Variants in SCUBE1 observed in about 807,000 individuals in gnomAD.
The protein encoded by SCUBE1 is signal peptide, CUB domain and EGF like domain containing 1, also known as signal peptide, CUB and EGF-like domain-containing protein 1.
In SCUBE1, 59 loss-of-function variants were observed where a neutral mutation model predicts 124.4. That is an observed-to-expected ratio of 0.47 (90% CI 0.38 to 0.59). The LOEUF is 0.59. Among genes scored for constraint, SCUBE1 ranks in the 20% least tolerant of loss-of-function variants. The pLI, the probability that SCUBE1 is intolerant of heterozygous loss-of-function variation, is 0.00. For synonymous variants in SCUBE1, 545 were observed against 550.9 expected, an observed-to-expected ratio of 0.99 and a Z score of 0.15; for missense variants, 1,150 against 1,371.2, an observed-to-expected ratio of 0.84 and a Z score of 2.55.
At chr22:43,340,268 C>T (rs1313210040) in intron 1 of SCUBE1, among the ~76,000 whole-genome samples, 2 of 152,084 alleles carry the variant, frequency 1.3e-5, no homozygotes, top group African/African-American at 2.4e-5. Flanking sequence ...CATGGTCCTC[C>T]CTCCTCGGAA....
intron 4 of SCUBE1, among the ~76,000 whole-genome samples, chr22:43,266,937 G>C (rs1924092475): frequency 6.6e-6 from 1 of 152,152 alleles, no homozygotes; most frequent in Non-Finnish European, 1.5e-5. Flanking sequence ...TGAGGACAAA[G>C]CCTCCGCTCC....
chr22:43,270,418 G>A (rs1924248626), intron 4 of SCUBE1: 1 of 152,280 alleles, frequency 6.6e-6, no homozygotes, highest in Non-Finnish European at 1.5e-5. Context: ...ACTGAGGTAA[G>A]GTGAGGGGGC....
In SCUBE1 at chr22:43,246,832, T is replaced by G. The variant is rs373511567; in HGVS notation, c.728-7878A>C. On this transcript the variant is annotated intron_variant, in intron 6 of 21. Coordinates refer to ENST00000360835, the MANE Select transcript of SCUBE1 (RefSeq NM_173050.5). ...TTCAGGTGGGCCTCCGGCAGTGATG[T>G]GCTCCCCACTCCCACCCTCCCACCC... 2.2e-4 allele frequency among the ~76,000 whole-genome samples: 34 copies of G among 152,306 alleles called. No individual in the cohort carries two copies. The East Asian group carries it at 5.2e-3, about 23-fold the overall frequency.
At chr22:43,245,304 C>T (rs1428441704) in intron 6 of SCUBE1, among the ~76,000 whole-genome samples, 2 of 152,226 alleles carry the variant, frequency 1.3e-5, no homozygotes, top group Non-Finnish European at 2.9e-5. Flanking sequence ...GAGGGCCGCG[C>T]CTGGTCCTGA....
intron 5 of SCUBE1, among the ~76,000 whole-genome samples, chr22:43,259,261 G>A (rs146877958): frequency 2.0e-5 from 3 of 152,306 alleles, no homozygotes; most frequent in East Asian, 3.9e-4. Flanking sequence ...ACAGCTGCAC[G>A]CCCATCATCC....
At chr22:43,279,235 A>G (rs1450715361) in intron 4 of SCUBE1, among the ~76,000 whole-genome samples, 2 of 152,182 alleles carry the variant, frequency 1.3e-5, no homozygotes, top group Non-Finnish European at 2.9e-5. Flanking sequence ...TTTGTCAAGG[A>G]GCCCCCAGCC....
chr22:43,274,031 TC>T (rs1924399244), intron 4 of SCUBE1, among the ~76,000 whole-genome samples: 1 of 151,804 alleles, frequency 6.6e-6, no homozygotes, highest in African/African-American at 2.4e-5. Context: ...CCTCGTTTCT[TC>T]CCCGTTCCTC....
At chr22:43,321,690 T>C (rs1056235533) in intron 2 of SCUBE1, among the ~76,000 whole-genome samples, 1 of 152,258 alleles carries the variant, frequency 6.6e-6, no homozygotes, top group Admixed American at 6.5e-5. Context: ...TCTCCTAATC[T>C]GCCTATAGGG....
chr22:43,245,318 C>A (rs557417234), intron 6 of SCUBE1, among the ~76,000 whole-genome samples: 1 of 152,228 alleles, frequency 6.6e-6, no homozygotes, highest in South Asian at 2.1e-4. Context: ...GTCCTGACCA[C>A]GCCTCCCCGC....
chr22:43,288,043 G>A (rs1307799070), intron 4 of SCUBE1, among the ~76,000 whole-genome samples: 1 of 152,180 alleles, frequency 6.6e-6, no homozygotes, highest in South Asian at 2.1e-4. Context: ...TCGTTCGAGA[G>A]CAATCTGATA....
intron 3 of SCUBE1, among the ~76,000 whole-genome samples, chr22:43,311,835 C>G (rs1490932174): frequency 4.6e-5 from 7 of 152,114 alleles, no homozygotes; most frequent in Non-Finnish European, 1.5e-5. Context: ...TTACCTCTGC[C>G]CTATGCCTAC....
chr22:43,214,088 G>T lies in SCUBE1; in HGVS notation c.2053+2C>A. ...CACCTCTCCTTCTAGGCCCGCACTT[G>T]CCTCCACATTCCGACACGTTGCGGG... On this transcript the variant is annotated splice_donor_variant, in intron 16 of 21. Coordinates refer to ENST00000360835, the MANE Select transcript of SCUBE1 (RefSeq NM_173050.5). LOFTEE classifies it high-confidence loss of function. The T allele has an allele frequency of 6.7e-7, 1 of 1,493,536 alleles. No homozygotes were observed. The allele number at this position is 1,493,536 out of a possible 1,614,324, so 92.5% of individuals were successfully genotyped here.
In SCUBE1 at chr22:43,198,538, G is replaced by A. The variant is rs1032546632; in HGVS notation, c.*5459C>T. On this transcript the variant is annotated 3_prime_UTR_variant, in exon 22 of 22. Coordinates refer to ENST00000360835, the MANE Select transcript of SCUBE1 (RefSeq NM_173050.5). ...AGGCAGCCGCGGTAGAATAGGAGGC[G>A]CTCTCTGCTCTCTCTCCACATCCTC... 1.8e-5 allele frequency: 8 copies of A among 456,514 alleles called. No homozygotes were observed. The Middle Eastern group carries it at 9.7e-4, about 55-fold the overall frequency. 28.3% of individuals were successfully genotyped at this position (456,514 alleles called of 1,614,324 possible).
intron 3 of SCUBE1, among the ~76,000 whole-genome samples, chr22:43,299,392 G>A (rs1038089047): frequency 3.9e-5 from 6 of 152,178 alleles, no homozygotes; most frequent in South Asian, 2.1e-4. Context: ...ACTCAGACCC[G>A]CCTCAGCCTT....
Position 43,291,194 on chromosome 22 carries a change from A to G in SCUBE1, c.350-14T>C, listed in dbSNP as rs1310408729. ...ACTCGTCCACATCTGTGAGAAAAGGAAGAGAAGGGGACCAGAGATCACACC... is the reference window on the plus strand; with the variant it reads ...ACTCGTCCACATCTGTGAGAAAAGGGAGAGAAGGGGACCAGAGATCACACC... On this transcript the variant is annotated splice_polypyrimidine_tract_variant and intron_variant, in intron 3 of 21. Coordinates refer to ENST00000360835, the MANE Select transcript of SCUBE1 (RefSeq NM_173050.5). 6.2e-7 allele frequency: 1 copy of G among 1,601,262 alleles called. No individual in the cohort carries two copies. The highest frequency in any genetic ancestry group is 8.6e-7 in the Non-Finnish European group (1 of 1,169,262).
In SCUBE1 at chr22:43,198,246, T is replaced by G; in HGVS notation, c.*5751A>C. On this transcript the variant is annotated 3_prime_UTR_variant, in exon 22 of 22. Coordinates refer to ENST00000360835, the MANE Select transcript of SCUBE1 (RefSeq NM_173050.5). ...ACCTTTCCCTTCTTCCTGTTGGGGC[T>G]TGGGGGGTGCAGACAATTCCAGGGG... The G allele has an allele frequency of 3.4e-6, 1 of 293,654 alleles. No homozygotes were observed. The highest frequency in any genetic ancestry group is 6.8e-6 in the Non-Finnish European group (1 of 147,292). The allele number at this position is 293,654 out of a possible 1,614,324, so 18.2% of individuals were successfully genotyped here. A position where few individuals can be genotyped will look rare whatever the true frequency, so the allele number is the denominator to read the frequency against.
At chr22:43,279,926 T>A (rs1924696201) in intron 4 of SCUBE1, among the ~76,000 whole-genome samples, 1 of 152,126 alleles carries the variant, frequency 6.6e-6, no homozygotes, top group Non-Finnish European at 1.5e-5. Flanking sequence ...CCTAGGGAGA[T>A]CTGAAACTCC....
rs1437270892 is a variant in SCUBE1, at chr22:43,253,433, A to G, written c.727+4786T>C. ...CCTTTGCTTCGTGTTGGAGGAAACC[A>G]GAGGAGGAGAAGTCTCTTCTGTCTG... On this transcript the variant is annotated intron_variant, in intron 6 of 21. Transcript: ENST00000360835. 2.0e-5 allele frequency among the ~76,000 whole-genome samples: 3 copies of G among 152,118 alleles called. No individual in the cohort carries two copies. The East Asian group carries it at 5.8e-4, about 29-fold the overall frequency.
rs1384312175 is a variant in SCUBE1 at position 43,197,456 on chromosome 22, C to G, written c.*6541G>C. 4 of 152,246 alleles carry G rather than the reference C, an allele frequency of 2.6e-5. No homozygotes were observed. Among genetic ancestry groups the G allele is most frequent in the Non-Finnish European group, 1.5e-5 (1 of 68,046 alleles). The allele number at this position is 152,246 out of a possible 1,614,324, so 9.4% of individuals were successfully genotyped here. On this transcript the variant is annotated 3_prime_UTR_variant, in exon 22 of 22. Coordinates refer to ENST00000360835, the MANE Select transcript of SCUBE1 (RefSeq NM_173050.5). The stretch of plus-strand genomic sequence containing the variant: ...GTCGTTGCCAAGCGTCTGGACAATA[C>G]AGTGCCCTCACAGGAGCCAGAAGTG...
Sources: gnomAD v4.1 joint callset for allele counts (sites outside exome capture counted in the v4.1 genomes callset) on GRCh38, gnomAD v4.1.1 for gene constraint, MANE v1.5 for transcripts, NCBI Gene and HGNC (gene_info 2026-07-23, HGNC 2026-07-21) for gene names.